The following SLC35F3 variants were observed in gnomAD, a reference collection of about 807,000 sequenced individuals.
SLC35F3 encodes the protein putative thiamine transporter SLC35F3.
A neutral mutation model predicts 49.9 loss-of-function variants in SLC35F3; 25 were observed. That is an observed-to-expected ratio of 0.50 (90% CI 0.37 to 0.70). The LOEUF (loss-of-function observed/expected upper bound fraction) is 0.70. SLC35F3 is among the 30% of genes least tolerant of loss of function. SLC35F3 has a pLI of 0.00. For missense variants in SLC35F3, 525 were observed against 639.8 expected, an observed-to-expected ratio of 0.82 and a Z score of 1.94; for synonymous variants, 275 against 265.4, an observed-to-expected ratio of 1.04 and a Z score of -0.35.
intron 3 of SLC35F3, among the ~76,000 whole-genome samples, chr1:234,293,324 G>A (rs1446150322): frequency 6.6e-6 from 1 of 152,202 alleles, no homozygotes; most frequent in Non-Finnish European, 1.5e-5. Flanking sequence ...CGGGGTGCAA[G>A]CCTGAGTCTA....
chr1:234,226,961 G>GCGCGCACACA (rs141422884), intron 2 of SLC35F3, among the ~76,000 whole-genome samples: 46 of 148,742 alleles, frequency 3.1e-4, no homozygotes, highest in South Asian at 3.0e-3. Context: ...GCGCACGCGT[G>GCGCGCACACA]CACACACACA....
At chr1:234,210,141 C>G (rs755962349) in intron 2 of SLC35F3, among the ~76,000 whole-genome samples, 3 of 152,290 alleles carry the variant, frequency 2.0e-5, no homozygotes, top group Non-Finnish European at 4.4e-5. Flanking sequence ...CACAAGCTCT[C>G]TCTTTGCCTG....
intron 3 of SLC35F3, among the ~76,000 whole-genome samples, chr1:234,234,986 TGTG>T (rs1321309856): frequency 3.9e-5 from 6 of 152,262 alleles, no homozygotes; most frequent in Middle Eastern, 3.4e-3. Flanking sequence ...TGAGCTGCCT[TGTG>T]GTGGCCAATT....
intron 2 of SLC35F3, among the ~76,000 whole-genome samples, chr1:234,156,913 A>T (rs1439405488): frequency 3.9e-5 from 6 of 152,158 alleles, no homozygotes; most frequent in Non-Finnish European, 7.4e-5. Context: ...AGATTAGGTA[A>T]GCGCAGAGAG....
At chr1:234,187,704 C>G (rs1304104418) in intron 2 of SLC35F3, among the ~76,000 whole-genome samples, 1 of 152,144 alleles carries the variant, frequency 6.6e-6, no homozygotes, top group Non-Finnish European at 1.5e-5. Flanking sequence ...ATGTAGACAC[C>G]TGAGTGAACT....
chr1:234,284,754 C>T (rs971437451), intron 3 of SLC35F3, among the ~76,000 whole-genome samples: 10 of 152,066 alleles, frequency 6.6e-5, no homozygotes, highest in African/African-American at 1.2e-4. Context: ...GATGATGCTC[C>T]GGGGTATCAA....
At chr1:234,155,579 C>A (rs952236309) in intron 2 of SLC35F3, among the ~76,000 whole-genome samples, 13 of 151,714 alleles carry the variant, frequency 8.6e-5, no homozygotes, top group Non-Finnish European at 1.8e-4. Flanking sequence ...TTTAGAATAC[C>A]TATATTAAAC....
At chr1:233,921,138 A>C (rs1302731892) in intron 2 of SLC35F3, among the ~76,000 whole-genome samples, 1 of 152,266 alleles carries the variant, frequency 6.6e-6, no homozygotes, top group Non-Finnish European at 1.5e-5. Context: ...AGACATATAG[A>C]ACTCCCTTAA....
chr1:234,153,919 C>T (rs111899966), intron 2 of SLC35F3, among the ~76,000 whole-genome samples: 6 of 152,038 alleles, frequency 3.9e-5, no homozygotes, highest in Non-Finnish European at 7.4e-5. Flanking sequence ...AAAAATTAGC[C>T]GGGCATGGCG....
chr1:234,275,207 A>T (rs530801903), intron 3 of SLC35F3, among the ~76,000 whole-genome samples: 1 of 152,234 alleles, frequency 6.6e-6, no homozygotes, highest in South Asian at 2.1e-4. Context: ...TCTTTAAAAT[A>T]TTGTAGAAAA....
At chr1:233,930,922 T>C (rs761591503) in intron 2 of SLC35F3, among the ~76,000 whole-genome samples, 1 of 152,180 alleles carries the variant, frequency 6.6e-6, no homozygotes, top group Non-Finnish European at 1.5e-5. Flanking sequence ...AACAGCATGG[T>C]ACTGGTACCA....
At chr1:233,920,310 T>C (rs1662038544) in intron 2 of SLC35F3, among the ~76,000 whole-genome samples, 1 of 152,212 alleles carries the variant, frequency 6.6e-6, no homozygotes, top group African/African-American at 2.4e-5. Flanking sequence ...CAGAATGAAA[T>C]ATGCACAAGG....
At chr1:233,970,749 C>T (rs1662978596) in intron 2 of SLC35F3, among the ~76,000 whole-genome samples, 3 of 152,184 alleles carry the variant, frequency 2.0e-5, no homozygotes, top group Admixed American at 6.5e-5. Context: ...GAGAAGACGG[C>T]CATCTGCAGG....
intron 3 of SLC35F3, chr1:234,272,230 C>T (rs1668119308): frequency 6.6e-6 from 1 of 152,130 alleles, no homozygotes; most frequent in Non-Finnish European, 1.5e-5. Context: ...TATTCTAGAA[C>T]CGTGTATACT....
intron 2 of SLC35F3, among the ~76,000 whole-genome samples, chr1:233,951,006 A>C (rs924168869): frequency 6.6e-6 from 1 of 152,080 alleles, no homozygotes; most frequent in African/African-American, 2.4e-5. Flanking sequence ...CTCCCTGGAC[A>C]GTTTGAGAAG....
chr1:234,149,491 C>T (rs1439478783), intron 2 of SLC35F3, among the ~76,000 whole-genome samples: 1 of 152,150 alleles, frequency 6.6e-6, no homozygotes, highest in African/African-American at 2.4e-5. Flanking sequence ...ATGACATTTA[C>T]ATGAATGACT....
At chr1:234,050,662 T>C (rs1311213343) in intron 2 of SLC35F3, among the ~76,000 whole-genome samples, 2 of 152,278 alleles carry the variant, frequency 1.3e-5, no homozygotes, top group African/African-American at 2.4e-5. Flanking sequence ...TTTATCAATT[T>C]TGGCTTTTGT....
chr1:234,019,548 G>A (rs1451000377), intron 2 of SLC35F3, among the ~76,000 whole-genome samples: 2 of 152,036 alleles, frequency 1.3e-5, no homozygotes, highest in African/African-American at 2.4e-5. Flanking sequence ...GGGACCTCAG[G>A]GGTTTTTTTC....
At chr1:234,241,554 G>A (rs900284342) in intron 3 of SLC35F3, among the ~76,000 whole-genome samples, 3 of 151,984 alleles carry the variant, frequency 2.0e-5, no homozygotes, top group Non-Finnish European at 4.4e-5. Flanking sequence ...TGACCAACAT[G>A]GCAAAACCCC....
Sources: gnomAD v4.1 joint callset for allele counts (sites outside exome capture counted in the v4.1 genomes callset) on GRCh38, gnomAD v4.1.1 for gene constraint, MANE v1.5 for transcripts, NCBI Gene and HGNC (gene_info 2026-07-23, HGNC 2026-07-21) for gene names.